ARMH3: variants seen among roughly 807,000 people sequenced by gnomAD.
The protein encoded by ARMH3 is armadillo-like helical domain-containing protein 3.
ARMH3 carries 60 observed loss-of-function variants against 99.1 expected under a neutral mutation model. The observed-to-expected ratio is 0.61, with a 90% confidence interval of 0.49 to 0.75. The LOEUF (loss-of-function observed/expected upper bound fraction) is 0.75, where lower values mean the gene tolerates loss of function less well. Ranked by LOEUF, ARMH3 falls within the 30% of genes least tolerant of loss-of-function variation. The pLI is 0.00. For missense variants in ARMH3, 679 were observed against 843.1 expected, an observed-to-expected ratio of 0.81 and a Z score of 2.41; for synonymous variants, 285 against 292.8, an observed-to-expected ratio of 0.97 and a Z score of 0.27.
chr10:101,849,069 A>G (rs2066525614), intron 25 of ARMH3, among the ~76,000 whole-genome samples: 1 of 152,230 alleles, frequency 6.6e-6, no homozygotes, highest in Non-Finnish European at 1.5e-5. Context: ...ACGCAAGTTC[A>G]GCCCCAGCAG....
chr10:101,854,726 C>T (rs2066691597), intron 24 of ARMH3, among the ~76,000 whole-genome samples: 1 of 152,026 alleles, frequency 6.6e-6, no homozygotes, highest in African/African-American at 2.4e-5. Context: ...GTTTTAGTTC[C>T]CAGTCAACCA....
rs114727144 is a variant in ARMH3 at position 101,986,393 on chromosome 10, T to C, written c.1406+4158A>G. ...AGAATCAAGGAGTACAGCTAGGAGG[T>C]GAAAGTAATTGGTTCGGTTTTGCTA... On this transcript the variant is annotated intron_variant, in intron 19 of 25. Transcript: ENST00000370033. Among the ~76,000 whole-genome samples the C allele has an allele frequency of 9.3e-3, 1,416 of 151,702 alleles. 17 individuals are homozygous for C. The highest frequency in any genetic ancestry group is 0.033 in the African/African-American group (1,344 of 41,330).
At chr10:101,917,752 C>T (rs992760674) in intron 23 of ARMH3, among the ~76,000 whole-genome samples, 7 of 152,082 alleles carry the variant, frequency 4.6e-5, no homozygotes, top group African/African-American at 1.7e-4. Flanking sequence ...ATTTCTCTGC[C>T]CTCCCGGGTA....
chr10:101,974,685 G>A (rs984794445), intron 20 of ARMH3, among the ~76,000 whole-genome samples: 6 of 152,130 alleles, frequency 3.9e-5, no homozygotes, highest in African/African-American at 1.4e-4. Flanking sequence ...CTGGCACAGG[G>A]GGAGTGGTAC....
chr10:101,861,075 T>C (rs1276861178), intron 24 of ARMH3, among the ~76,000 whole-genome samples: 5 of 152,150 alleles, frequency 3.3e-5, no homozygotes, highest in African/African-American at 1.2e-4. Flanking sequence ...ATGATGAAGT[T>C]AGCAACAAGG....
intron 24 of ARMH3, among the ~76,000 whole-genome samples, chr10:101,882,339 A>G (rs2135414124): frequency 6.6e-6 from 1 of 152,350 alleles, no homozygotes; most frequent in East Asian, 1.9e-4. Context: ...TCTGCTATGA[A>G]GCCCTCTCTT....
intron 23 of ARMH3, among the ~76,000 whole-genome samples, chr10:101,912,226 CT>C (rs1475025397): frequency 6.6e-6 from 1 of 151,866 alleles, no homozygotes. Flanking sequence ...AACCCCGTCT[CT>C]ACTAAAAATA....
At chr10:102,002,642 G>A (rs1360202469) in intron 14 of ARMH3, among the ~76,000 whole-genome samples, 2 of 151,978 alleles carry the variant, frequency 1.3e-5, no homozygotes, top group Non-Finnish European at 2.9e-5. Context: ...CCGCTTAAGG[G>A]AACTGAAAGT....
chr10:101,894,456 C>T (rs570266562), intron 23 of ARMH3, among the ~76,000 whole-genome samples: 4 of 152,192 alleles, frequency 2.6e-5, no homozygotes, highest in African/African-American at 9.7e-5. Context: ...AACTGAATTA[C>T]GTCGCTTCTC....
chr10:101,985,573 G>T (rs867466333), intron 19 of ARMH3, among the ~76,000 whole-genome samples: 3 of 151,794 alleles, frequency 2.0e-5, no homozygotes, highest in African/African-American at 7.3e-5. Context: ...AAATAGCCAG[G>T]CATGGTGGTG....
intron 23 of ARMH3, among the ~76,000 whole-genome samples, chr10:101,929,143 CCTT>C (rs1261700154): frequency 6.6e-6 from 1 of 152,214 alleles, no homozygotes; most frequent in East Asian, 1.9e-4. Context: ...CCTAACAACT[CCTT>C]CTTTGACTAC....
At chr10:101,933,751 G>A (rs1047096611) in intron 23 of ARMH3, among the ~76,000 whole-genome samples, 5 of 152,190 alleles carry the variant, frequency 3.3e-5, no homozygotes, top group African/African-American at 7.2e-5. Flanking sequence ...AAGATAATAT[G>A]AGCCTACCTG....
At chr10:101,873,286 C>T (rs906932735) in intron 24 of ARMH3, among the ~76,000 whole-genome samples, 2 of 151,280 alleles carry the variant, frequency 1.3e-5, no homozygotes, top group East Asian at 3.9e-4. Context: ...GTAGTGTGCA[C>T]CTGTAATCCC....
intron 6 of ARMH3, 27 bp from the exon 7 acceptor site, chr10:102,023,776 GTCTGT>G: frequency 6.3e-7 from 1 of 1,597,364 alleles, no homozygotes; most frequent in Non-Finnish European, 8.6e-7. Context: ...GCTTTTTAAA[GTCTGT>G]TCTGAGGTAT....
At chr10:101,886,700 A>G (rs887227201) in intron 24 of ARMH3, among the ~76,000 whole-genome samples, 11 of 152,294 alleles carry the variant, frequency 7.2e-5, no homozygotes, top group Admixed American at 7.2e-4. Flanking sequence ...ATTTACAAGT[A>G]CCACCTTGAA....
At chr10:101,989,175 T>TA (rs910617952) in intron 19 of ARMH3, among the ~76,000 whole-genome samples, 1 of 152,138 alleles carries the variant, frequency 6.6e-6, no homozygotes, top group Non-Finnish European at 1.5e-5. Flanking sequence ...TCTTGGGTGT[T>TA]AAAGAGAAGA....
intron 19 of ARMH3, among the ~76,000 whole-genome samples, chr10:101,985,622 G>A (rs570958418): frequency 6.6e-6 from 1 of 152,114 alleles, no homozygotes; most frequent in East Asian, 1.9e-4. Flanking sequence ...ACTGAGGTGG[G>A]AGGATTGCTT....
chr10:101,971,483 G>A (rs577355015), intron 20 of ARMH3, among the ~76,000 whole-genome samples: 1 of 152,006 alleles, frequency 6.6e-6, no homozygotes, highest in East Asian at 1.9e-4. Context: ...GCTGAGGTGG[G>A]AGGATTGTTT....
chr10:102,036,130 G>A (rs1456281475), intron 2 of ARMH3, among the ~76,000 whole-genome samples: 7 of 146,218 alleles, frequency 4.8e-5, no homozygotes, highest in South Asian at 2.2e-4. Flanking sequence ...GGCAGCCCCC[G>A]CCCGGCCAGC....
Sources: allele counts gnomAD v4.1 joint callset (sites outside exome capture counted in the v4.1 genomes callset), GRCh38; gene constraint gnomAD v4.1.1; transcripts MANE v1.5; gene names NCBI Gene and HGNC (gene_info 2026-07-23, HGNC 2026-07-21).